SOBP: variants seen among roughly 807,000 people sequenced by gnomAD.
SOBP encodes the protein sine oculis binding protein homolog.
SOBP carries 4 observed loss-of-function variants against 53.6 expected under a neutral mutation model. That is an observed-to-expected ratio of 0.07 (90% CI 0.04 to 0.17). SOBP has a LOEUF of 0.17. Ranked by LOEUF, SOBP falls within the 10% of genes least tolerant of loss-of-function variation. The probability of loss-of-function intolerance (pLI) is 1.00; values close to 1 mark genes in which losing one functional copy is unlikely to be tolerated. For missense variants in SOBP, 1,088 were observed against 1,204.7 expected, an observed-to-expected ratio of 0.90 and a Z score of 1.43; for synonymous variants, 584 against 522.6, an observed-to-expected ratio of 1.12 and a Z score of -1.60.
At chr6:107,513,300 C>A (rs1783223556) in intron 3 of SOBP, among the ~76,000 whole-genome samples, 1 of 152,176 alleles carries the variant, frequency 6.6e-6, no homozygotes, top group Non-Finnish European at 1.5e-5. Context: ...TATATATTTT[C>A]AGGCAAATCT....
chr6:107,629,228 TATC>T (rs1175636515), intron 5 of SOBP, among the ~76,000 whole-genome samples: 3 of 144,026 alleles, frequency 2.1e-5, no homozygotes, highest in Admixed American at 6.8e-5. Flanking sequence ...GAGGTGCTAA[TATC>T]TTTTTTTTTT....
At chr6:107,648,595 G>A (rs1038011401) in intron 6 of SOBP, among the ~76,000 whole-genome samples, 2 of 151,814 alleles carry the variant, frequency 1.3e-5, no homozygotes, top group African/African-American at 4.8e-5. Context: ...GTTAGGCCAT[G>A]TATGTCTCTA....
intron 6 of SOBP, among the ~76,000 whole-genome samples, chr6:107,641,561 C>T (rs1191939888): frequency 6.6e-6 from 1 of 152,112 alleles, no homozygotes; most frequent in African/African-American, 2.4e-5. Context: ...GGGAGCGCTG[C>T]CAATGCTCCC....
intron 4 of SOBP, among the ~76,000 whole-genome samples, chr6:107,542,348 G>A (rs757121231): frequency 1.3e-4 from 20 of 152,108 alleles, no homozygotes; most frequent in Non-Finnish European, 2.8e-4. Context: ...CCTCAGGCAG[G>A]AACAGTCTTG....
At chr6:107,629,432 C>G (rs945916565) in intron 5 of SOBP, among the ~76,000 whole-genome samples, 2 of 152,180 alleles carry the variant, frequency 1.3e-5, no homozygotes, top group Non-Finnish European at 2.9e-5. Flanking sequence ...CCCTGTCCCC[C>G]TCCCTCAGTT....
chr6:107,656,067 C>T (rs1772019232), intron 6 of SOBP, among the ~76,000 whole-genome samples: 1 of 152,064 alleles, frequency 6.6e-6, no homozygotes, highest in Non-Finnish European at 1.5e-5. Flanking sequence ...GGTTCCAGGC[C>T]CAGAGGTGGG....
At chr6:107,641,517 C>T (rs780284557) in intron 6 of SOBP, among the ~76,000 whole-genome samples, 6 of 152,170 alleles carry the variant, frequency 3.9e-5, no homozygotes, top group East Asian at 1.9e-4. Flanking sequence ...GTGGACAGGT[C>T]GGTGAACACC....
intron 3 of SOBP, among the ~76,000 whole-genome samples, chr6:107,517,107 A>G (rs543005791): frequency 4.3e-4 from 65 of 152,378 alleles, no homozygotes; most frequent in African/African-American, 1.4e-3. Context: ...ACTCTCAGAT[A>G]TCAAGATTTA....
At chr6:107,563,553 A>T (rs938533379) in intron 4 of SOBP, among the ~76,000 whole-genome samples, 1 of 152,176 alleles carries the variant, frequency 6.6e-6, no homozygotes, top group African/African-American at 2.4e-5. Flanking sequence ...AAATTTCACA[A>T]AGGAAGCATC....
intron 5 of SOBP, among the ~76,000 whole-genome samples, chr6:107,613,288 C>T (rs1786665875): frequency 6.6e-6 from 1 of 152,208 alleles, no homozygotes; most frequent in Admixed American, 6.5e-5. Context: ...TAGAGTTTCT[C>T]GAAGGTCCTA....
intron 5 of SOBP, among the ~76,000 whole-genome samples, chr6:107,621,632 C>T (rs927375295): frequency 2.6e-5 from 4 of 152,168 alleles, no homozygotes; most frequent in Admixed American, 1.3e-4. Context: ...GCCCAACACA[C>T]GGAGCCTTTT....
chr6:107,519,879 A>T (rs1226055584), intron 3 of SOBP, among the ~76,000 whole-genome samples: 1 of 152,130 alleles, frequency 6.6e-6, no homozygotes, highest in Non-Finnish European at 1.5e-5. Flanking sequence ...AAGCACCTAC[A>T]TGCAAGTCTT....
At chr6:107,650,089 G>T (rs1360072396) in intron 6 of SOBP, among the ~76,000 whole-genome samples, 1 of 152,126 alleles carries the variant, frequency 6.6e-6, no homozygotes, top group African/African-American at 2.4e-5. Context: ...TAAAATAAGG[G>T]ATATAGCTAA....
At chr6:107,564,209 T>G (rs1351989935) in intron 4 of SOBP, among the ~76,000 whole-genome samples, 1 of 147,048 alleles carries the variant, frequency 6.8e-6, no homozygotes, top group Non-Finnish European at 1.5e-5. Context: ...GCAGACTGAA[T>G]GTAATCTGGC....
At chr6:107,499,388 A>T (rs574311036) in intron 1 of SOBP, among the ~76,000 whole-genome samples, 1 of 152,366 alleles carries the variant, frequency 6.6e-6, no homozygotes, top group South Asian at 2.1e-4. Context: ...AGGAGAATTA[A>T]AAGATATAGA....
chr6:107,534,220 G>A (rs577718349), intron 4 of SOBP, among the ~76,000 whole-genome samples: 3 of 152,306 alleles, frequency 2.0e-5, no homozygotes, highest in African/African-American at 2.4e-5. Context: ...AACAGCCATC[G>A]TTAGAATTTT....
At chr6:107,545,711 C>T (rs1784282104) in intron 4 of SOBP, among the ~76,000 whole-genome samples, 1 of 151,850 alleles carries the variant, frequency 6.6e-6, no homozygotes, top group African/African-American at 2.4e-5. Flanking sequence ...TACACCTTTA[C>T]CTGCCTCAGG....
At chr6:107,529,578 A>G in intron 3 of SOBP, 2 of 985,428 alleles carry the variant, frequency 2.0e-6, no homozygotes, top group Non-Finnish European at 2.4e-6. Flanking sequence ...GGAGTCCATT[A>G]ATGCCCTACT....
chr6:107,535,357 G>C (rs1783962830), intron 4 of SOBP, among the ~76,000 whole-genome samples: 1 of 152,204 alleles, frequency 6.6e-6, no homozygotes, highest in Admixed American at 6.5e-5. Flanking sequence ...AGCGAGGATA[G>C]GAATTAGCAT....
Sources: gnomAD v4.1 joint callset for allele counts (sites outside exome capture counted in the v4.1 genomes callset) on GRCh38, gnomAD v4.1.1 for gene constraint, MANE v1.5 for transcripts, NCBI Gene and HGNC (gene_info 2026-07-23, HGNC 2026-07-21) for gene names.